Variants in DBP observed in about 807,000 individuals in gnomAD.
DBP encodes the protein D site-binding protein.
In DBP, 12 loss-of-function variants were observed where a neutral mutation model predicts 21.4. That is an observed-to-expected ratio of 0.56 (90% CI 0.36 to 0.91). The LOEUF is 0.91. Ranked by LOEUF, DBP falls within the 40% of genes least tolerant of loss-of-function variation. The pLI is 0.01. For synonymous variants in DBP, 213 were observed against 224.9 expected, an observed-to-expected ratio of 0.95 and a Z score of 0.47; for missense variants, 423 against 473.4, an observed-to-expected ratio of 0.89 and a Z score of 0.99.
In DBP at chr19:48,635,650, A is replaced by C; in HGVS notation, c.480T>G (p.Ala160=). 7.6e-7 allele frequency: 1 copy of C among 1,316,236 alleles called. No individual in the cohort carries two copies. Among genetic ancestry groups the C allele is most frequent in the African/African-American group, 1.6e-5 (1 of 64,514 alleles). 81.5% of individuals were successfully genotyped at this position (1,316,236 alleles called of 1,614,324 possible). A position where few individuals can be genotyped will look rare whatever the true frequency, so the allele number is the denominator to read the frequency against. Residue 160 remains alanine (A), a synonymous_variant, in exon 2 of 4, where the codon GCT becomes GCG. Transcript: ENST00000222122. ...PSPGPGSCGS[A]SPRSSPGHAP... ...CGTGCCCAGGAGAGGAGCGGGGGGA[A>C]GCCGAGCCGCACGAACCCGGCCCTG...
rs1360623373 is a variant in DBP at position 48,630,815 on chromosome 19, C to T, written c.*22G>A. On this transcript the variant is annotated 3_prime_UTR_variant, in exon 4 of 4. Transcript: ENST00000222122. This position sits in a 1 kb window ranked among gnomAD's most constrained non-coding sequence, Gnocchi z 4.9. ...TCAGCAAGGCGGAGGAGAGCTCCGC[C>T]AGGTGGGGATGTGGGGCAGCCTCAC... 3.2e-6 allele frequency: 5 copies of T among 1,563,110 alleles called. No individual in the cohort carries two copies. Among genetic ancestry groups the T allele is most frequent in the Non-Finnish European group, 4.3e-6 (5 of 1,151,312 alleles).
chr19:48,636,035 A>G, intron 1 of DBP, 45 bp from the exon 2 acceptor site: 1 of 1,455,850 alleles, frequency 6.9e-7, no homozygotes, highest in Non-Finnish European at 9.0e-7. Context: ...GAGGTGGGGG[A>G]GATAGAGATG....
At chr19:48,631,620 C>T (rs1460195568) in intron 3 of DBP, 3 of 153,198 alleles carry the variant, frequency 2.0e-5, no homozygotes, top group Non-Finnish European at 4.4e-5. Context: ...TGGCCTTGAA[C>T]TGAGGCCAGA....
At chr19:48,635,441 C>T in intron 2 of DBP, 139 bp downstream of exon 2, 2 of 1,477,928 alleles carry the variant, frequency 1.4e-6, no homozygotes, top group Admixed American at 2.0e-5. Context: ...GGCCCCCTCC[C>T]ACGACACCTC....
Position 48,633,103 on chromosome 19 carries a change from C to T in DBP, c.762+341G>A, listed in dbSNP as rs2030656981. ...CAATCTCCCAGGCACAAGCAGTCCT[C>T]CCACCTCAGCCTCCCAAGTGGCTTG... On this transcript the variant is annotated intron_variant, in intron 3 of 3. Transcript: ENST00000222122. 5 of 526,292 alleles carry T rather than the reference C, an allele frequency of 9.5e-6. No homozygotes were observed. The South Asian group carries it at 1.1e-4, about 12-fold the overall frequency. 32.6% of individuals were successfully genotyped at this position (526,292 alleles called of 1,614,324 possible).
chr19:48,633,269 G>A (rs3905524), intron 3 of DBP, 175 bp downstream of exon 3: 1 of 713,140 alleles, frequency 1.4e-6, no homozygotes, highest in Non-Finnish European at 2.5e-6. Context: ...ATAAACCTCA[G>A]GCCCCTGCCC....
Position 48,635,827 on chromosome 19 carries a change from C to A in DBP, c.303G>T (p.Ala101=). 7.0e-7 allele frequency: 1 copy of A among 1,425,884 alleles called. No individual in the cohort carries two copies. Among genetic ancestry groups the A allele is most frequent in the Non-Finnish European group, 9.1e-7 (1 of 1,098,772 alleles). 88.3% of individuals were successfully genotyped at this position (1,425,884 alleles called of 1,614,324 possible). ...PGPVPAPGLL[A]PLLWERTLPF... ...GCAGCGTGCGCTCCCACAGCAGTGG[C>A]GCCAACAGACCCGGGGCGGGCACCG... Residue 101 remains alanine (A), a synonymous_variant, in exon 2 of 4, where the codon GCG becomes GCT. Transcript: ENST00000222122.
intron 2 of DBP, chr19:48,635,057 C>T: frequency 1.0e-6 from 1 of 986,894 alleles, no homozygotes; most frequent in African/African-American, 1.7e-5. Context: ...TTCTGAAGAA[C>T]TCTGGGACCC....
At chr19:48,634,434 A>G (rs1468651782) in intron 2 of DBP, 1 of 152,454 alleles carries the variant, frequency 6.6e-6, no homozygotes, top group Non-Finnish European at 1.5e-5. Flanking sequence ...AGAGTCTAAG[A>G]GCTACTCGCT....
intron 3 of DBP, 165 bp downstream of exon 3, chr19:48,633,279 C>T: frequency 1.3e-6 from 1 of 742,152 alleles, no homozygotes; most frequent in East Asian, 2.4e-5. Flanking sequence ...GGCCCCTGCC[C>T]CCTTGTGCCC....
Position 48,630,499 on chromosome 19 carries a change from G to GCTGC in DBP, c.*334_*337dup. 6.5e-7 allele frequency: 1 copy of GCTGC among 1,527,788 alleles called. No individual in the cohort carries two copies. Among genetic ancestry groups the GCTGC allele is most frequent in the Non-Finnish European group, 8.7e-7 (1 of 1,143,392 alleles). The allele number at this position is 1,527,788 out of a possible 1,614,324, so 94.6% of individuals were successfully genotyped here. ...TGCCCTCTATGGACGACAGCCCGGA[G>GCTGC]CTGCCCACGGGCTGCAGCCAGTATG... is the stretch of plus-strand genomic sequence containing the variant. On this transcript the variant is annotated 3_prime_UTR_variant, in exon 4 of 4. Transcript: ENST00000222122. The surrounding 1 kb of genome is among the most constrained non-coding windows in gnomAD (Gnocchi z 4.9).
chr19:48,635,090 G>C, intron 2 of DBP: 1 of 987,354 alleles, frequency 1.0e-6, no homozygotes, highest in East Asian at 1.1e-4. Flanking sequence ...CGCCCCACTG[G>C]GGGACCCAGG....
intron 1 of DBP, among the ~76,000 whole-genome samples, 165 bp downstream of exon 1, chr19:48,636,691 G>A (rs2147713657): frequency 6.6e-6 from 1 of 152,228 alleles, no homozygotes; most frequent in Admixed American, 6.5e-5. Context: ...TTTGGGTCCT[G>A]GGCGCTAAGG....
At position 48,630,205 on chromosome 19, in the gene DBP, G is replaced by A. The variant is rs537065865; in HGVS notation, c.*632C>T. 76 of 1,257,012 alleles carry A rather than the reference G, an allele frequency of 6.0e-5. No homozygotes were observed. In the South Asian group the frequency reaches 1.9e-3, roughly 31 times the overall value. The allele number at this position is 1,257,012 out of a possible 1,614,324, so 77.9% of individuals were successfully genotyped here. A position where few individuals can be genotyped will look rare whatever the true frequency, so the allele number is the denominator to read the frequency against. On this transcript the variant is annotated 3_prime_UTR_variant, in exon 4 of 4. Coordinates refer to ENST00000222122, the MANE Select transcript of DBP (RefSeq NM_001352.5). The surrounding 1 kb of genome is among the most constrained non-coding windows in gnomAD (Gnocchi z 4.9). ...GCAGCCTCGCCCCATCCACTCCGGT[G>A]CCTCCATTTAGCTGGCCAATCAGCC...
rs1244067967 is a variant in DBP, at chr19:48,636,858, C to T, written c.137G>A (p.Ser46Asn). ...GTGAGATGGGGGTTAGAACTCACAGCTGGCCGGCTCTTTGGGCTTGCTGGT... is the reference window on the plus strand; with the variant it reads ...GTGAGATGGGGGTTAGAACTCACAGTTGGCCGGCTCTTTGGGCTTGCTGGT... ...QGTSKPKEPA[S>N]CLLKEKERKA... is the part of the protein sequence containing the mutation. Residue 46 changes from serine (S) to asparagine (N), a missense_variant and splice_region_variant, in exon 1 of 4, where the codon AGC becomes AAC. Physicochemically the swap from Ser to Asn is conservative, Grantham distance 46. Transcript: ENST00000222122. 1.2e-6 allele frequency: 2 copies of T among 1,610,762 alleles called. No individual in the cohort carries two copies. The highest frequency in any genetic ancestry group is 1.7e-6 in the Non-Finnish European group (2 of 1,178,928).
chr19:48,634,023 C>G, intron 2 of DBP: 1 of 300,276 alleles, frequency 3.3e-6, no homozygotes, highest in Middle Eastern at 1.2e-3. Flanking sequence ...TTGCTTGAAC[C>G]CGGACCCTGG....
chr19:48,631,073 A>G (rs2147708114), intron 3 of DBP, 21 bp from the exon 4 acceptor site: 11 of 1,605,180 alleles, frequency 6.9e-6, no homozygotes, highest in Non-Finnish European at 9.4e-6. Context: ...AGAGGGGGAG[A>G]GCACTGAGGT....
chr19:48,637,219 A>G lies in DBP; in HGVS notation c.-225T>C. The G allele has an allele frequency of 2.4e-6, 1 of 421,834 alleles. No individual in the cohort carries two copies. 26.1% of individuals were successfully genotyped at this position (421,834 alleles called of 1,614,324 possible). On this transcript the variant is annotated 5_prime_UTR_variant, in exon 1 of 4. Coordinates refer to ENST00000222122, the MANE Select transcript of DBP (RefSeq NM_001352.5). ...CAAGAGGGTCCCGGGAGATCATGCAATCTGGGCGAGGGGGTGTCCAGATCA... is the reference window on the plus strand; with the variant it reads ...CAAGAGGGTCCCGGGAGATCATGCAGTCTGGGCGAGGGGGTGTCCAGATCA...
At chr19:48,636,288 G>A (rs950304273) in intron 1 of DBP, among the ~76,000 whole-genome samples, 1 of 152,072 alleles carries the variant, frequency 6.6e-6, no homozygotes, top group Non-Finnish European at 1.5e-5. Context: ...GGAAGTTCAG[G>A]AATAGGGGGG....
Sources: allele counts gnomAD v4.1 joint callset (sites outside exome capture counted in the v4.1 genomes callset), GRCh38; gene constraint gnomAD v4.1.1; non-coding constraint Gnocchi (gnomAD v3.1); transcripts MANE v1.5; gene names NCBI Gene and HGNC (gene_info 2026-07-23, HGNC 2026-07-21).